ADAMTSL1: variants seen among roughly 807,000 people sequenced by gnomAD.
ADAMTSL1 encodes the protein ADAMTS-like protein 1.
In ADAMTSL1, 126 loss-of-function variants were observed where a neutral mutation model predicts 201.8. The observed-to-expected ratio is 0.62, with a 90% confidence interval of 0.54 to 0.72. The LOEUF (loss-of-function observed/expected upper bound fraction) is 0.72, where lower values mean the gene tolerates loss of function less well. Among genes scored for constraint, ADAMTSL1 ranks in the 30% least tolerant of loss-of-function variants. The pLI is 0.00. For missense variants in ADAMTSL1, 2,679 were observed against 2,277.8 expected, an observed-to-expected ratio of 1.18 and a Z score of -3.59; for synonymous variants, 1,121 against 903.4, an observed-to-expected ratio of 1.24 and a Z score of -4.32.
intron 15 of ADAMTSL1, among the ~76,000 whole-genome samples, chr9:18,740,971 C>T (rs1818793866): frequency 6.6e-6 from 1 of 152,082 alleles, no homozygotes; most frequent in Non-Finnish European, 1.5e-5. Flanking sequence ...ATGATACTAC[C>T]TCATTCCTCT....
intron 2 of ADAMTSL1, among the ~76,000 whole-genome samples, chr9:18,227,975 A>T (rs1830492624): frequency 6.6e-6 from 1 of 152,186 alleles, no homozygotes; most frequent in Non-Finnish European, 1.5e-5. Flanking sequence ...GCATTCTTCC[A>T]CTTTACCATA....
chr9:18,379,121 T>C (rs1563923117), intron 2 of ADAMTSL1, among the ~76,000 whole-genome samples: 1 of 152,192 alleles, frequency 6.6e-6, no homozygotes, highest in Non-Finnish European at 1.5e-5. Flanking sequence ...GGTGAGGGGC[T>C]AGAAGGTGTT....
intron 23 of ADAMTSL1, among the ~76,000 whole-genome samples, chr9:18,853,314 G>A (rs1023770397): frequency 4.6e-5 from 7 of 152,208 alleles, no homozygotes; most frequent in African/African-American, 7.2e-5. Context: ...GGATACCAGC[G>A]TTTTAGTACT....
intron 1 of ADAMTSL1, among the ~76,000 whole-genome samples, chr9:18,014,109 T>A (rs929937837): frequency 6.6e-6 from 1 of 152,030 alleles, no homozygotes; most frequent in Non-Finnish European, 1.5e-5. Flanking sequence ...TCATTTTAAG[T>A]ATACTTTTTC....
chr9:18,264,515 A>C (rs1396432946), intron 2 of ADAMTSL1, among the ~76,000 whole-genome samples: 4 of 152,146 alleles, frequency 2.6e-5, no homozygotes, highest in Non-Finnish European at 5.9e-5. Context: ...TGGGATATGG[A>C]AGAAGTCAAA....
intron 15 of ADAMTSL1, among the ~76,000 whole-genome samples, chr9:18,744,137 C>T (rs1818998037): frequency 6.6e-6 from 1 of 152,220 alleles, no homozygotes; most frequent in South Asian, 2.1e-4. Flanking sequence ...TTGGGAAGTG[C>T]AATTCATCAG....
At chr9:18,055,625 G>A (rs1822148365) in intron 1 of ADAMTSL1, among the ~76,000 whole-genome samples, 1 of 152,206 alleles carries the variant, frequency 6.6e-6, no homozygotes, top group South Asian at 2.1e-4. Flanking sequence ...ACAACCACGA[G>A]GAGTCGTAAG....
chr9:18,362,757 C>G (rs979486874), intron 2 of ADAMTSL1, among the ~76,000 whole-genome samples: 3 of 152,142 alleles, frequency 2.0e-5, no homozygotes, highest in African/African-American at 7.2e-5. Flanking sequence ...CTAATTTAAC[C>G]AGTATTCTGG....
intron 2 of ADAMTSL1, among the ~76,000 whole-genome samples, chr9:18,292,497 C>T (rs1833313505): frequency 6.6e-6 from 1 of 152,024 alleles, no homozygotes. Context: ...GAGGGTGTTG[C>T]CAAAGGAGGT....
At chr9:18,853,918 T>TGTGTGTGTGTGTGCGC (rs139332733) in intron 23 of ADAMTSL1, among the ~76,000 whole-genome samples, 15 of 145,488 alleles carry the variant, frequency 1.0e-4, no homozygotes, top group African/African-American at 1.5e-4. Flanking sequence ...TGTGTGTGTG[T>TGTGTGTGTGTGTGCGC]GCGCGTGCAT....
chr9:18,242,006 T>G (rs1374698149), intron 2 of ADAMTSL1, among the ~76,000 whole-genome samples: 1 of 152,018 alleles, frequency 6.6e-6, no homozygotes, highest in Non-Finnish European at 1.5e-5. Flanking sequence ...TCCTAACACA[T>G]CTTATAAGGC....
At chr9:18,734,498 A>T (rs1818398250) in intron 15 of ADAMTSL1, among the ~76,000 whole-genome samples, 2 of 152,172 alleles carry the variant, frequency 1.3e-5, no homozygotes. Flanking sequence ...CATTTATAAA[A>T]TTCTTACTGT....
intron 1 of ADAMTSL1, among the ~76,000 whole-genome samples, chr9:17,982,231 A>C (rs1371930628): frequency 6.6e-6 from 1 of 152,186 alleles, no homozygotes; most frequent in African/African-American, 2.4e-5. Context: ...AAGCCATGAA[A>C]ATTTTATAGC....
intron 2 of ADAMTSL1, among the ~76,000 whole-genome samples, chr9:18,446,700 A>G (rs896633960): frequency 3.3e-5 from 5 of 152,238 alleles, no homozygotes; most frequent in Admixed American, 2.6e-4. Context: ...CTTCATACAG[A>G]TAAAATGCAT....
intron 1 of ADAMTSL1, among the ~76,000 whole-genome samples, chr9:18,087,075 T>C (rs1172680165): frequency 6.6e-6 from 1 of 152,200 alleles, no homozygotes; most frequent in Admixed American, 6.5e-5. Context: ...TGTTTAATTC[T>C]TGCTTTGCTT....
intron 3 of ADAMTSL1, among the ~76,000 whole-genome samples, chr9:18,567,181 T>G (rs1224511265): frequency 1.3e-5 from 2 of 152,154 alleles, no homozygotes; most frequent in Non-Finnish European, 2.9e-5. Flanking sequence ...AGTTTTTGAC[T>G]AGGCTGGGCA....
chr9:18,235,572 G>A (rs1251735511), intron 2 of ADAMTSL1, among the ~76,000 whole-genome samples: 2 of 152,170 alleles, frequency 1.3e-5, no homozygotes, highest in African/African-American at 4.8e-5. Context: ...CTGAGAATTT[G>A]CCAACCAGAC....
At chr9:18,510,316 C>G (rs1817954418) in intron 2 of ADAMTSL1, among the ~76,000 whole-genome samples, 2 of 152,190 alleles carry the variant, frequency 1.3e-5, no homozygotes, top group African/African-American at 4.8e-5. Flanking sequence ...TTGGTTTACC[C>G]TCTGAGTACA....
intron 7 of ADAMTSL1, among the ~76,000 whole-genome samples, chr9:18,657,060 A>G (rs1213422876): frequency 6.6e-6 from 1 of 152,234 alleles, no homozygotes; most frequent in Non-Finnish European, 1.5e-5. Flanking sequence ...TTAAACCATC[A>G]ACATTTGAAT....
Sources: gnomAD v4.1 joint callset for allele counts (sites outside exome capture counted in the v4.1 genomes callset) on GRCh38, gnomAD v4.1.1 for gene constraint, MANE v1.5 for transcripts, NCBI Gene and HGNC (gene_info 2026-07-23, HGNC 2026-07-21) for gene names.